The following RASIP1 variants were observed in gnomAD, a reference collection of about 807,000 sequenced individuals.
RASIP1 encodes ras-interacting protein 1.
A neutral mutation model predicts 85.3 loss-of-function variants in RASIP1; 20 were observed. The observed-to-expected ratio is 0.23, with a 90% confidence interval of 0.17 to 0.34. RASIP1 has a LOEUF of 0.34. RASIP1 is among the 10% of genes least tolerant of loss of function. The pLI is 1.00. For missense variants in RASIP1, 1,170 were observed against 1,390.9 expected, an observed-to-expected ratio of 0.84 and a Z score of 2.53; for synonymous variants, 617 against 647.1, an observed-to-expected ratio of 0.95 and a Z score of 0.71.
At position 48,738,826 on chromosome 19, in the gene RASIP1, C is replaced by A; in HGVS notation, c.823+134G>T. ...TAGAGTCCAACACGCACCGTCCAGT[C>A]CCCTCCCAGTCCCCTCCCGCGGGCC... On this transcript the variant is annotated intron_variant, in intron 3 of 11. Transcript: ENST00000222145. This position sits in a 1 kb window ranked among gnomAD's most constrained non-coding sequence, Gnocchi z 4.0. The A allele has an allele frequency of 1.9e-6, 2 of 1,069,304 alleles. No individual in the cohort carries two copies. Among genetic ancestry groups the A allele is most frequent in the Non-Finnish European group, 2.3e-6 (2 of 855,364 alleles). 66.2% of individuals were successfully genotyped at this position (1,069,304 alleles called of 1,614,324 possible).
In RASIP1 at chr19:48,739,349, G is replaced by A. The variant is rs775129376; in HGVS notation, c.434C>T (p.Pro145Leu). 4.4e-6 allele frequency: 6 copies of A among 1,350,050 alleles called. No homozygotes were observed. The Admixed American group carries it at 1.6e-4, about 36-fold the overall frequency. The allele number at this position is 1,350,050 out of a possible 1,614,324, so 83.6% of individuals were successfully genotyped here. A position where few individuals can be genotyped will look rare whatever the true frequency, so the allele number is the denominator to read the frequency against. ...PPLATRATAP[P>L]GVLKIFGAGL... ...GGCGCCGAAGATCTTGAGGACCCCC[G>A]GAGGCGCCGTGGCGCGGGTAGCCAG... The change falls in exon 3 of 12, where the codon CCG becomes CTG. Residue 145 changes from proline to leucine, a missense_variant. Transcript: ENST00000222145. The surrounding 1 kb of genome is among the most constrained non-coding windows in gnomAD (Gnocchi z 9.2).
intron 11 of RASIP1, among the ~76,000 whole-genome samples, chr19:48,721,389 G>C (rs1365150910): frequency 6.6e-6 from 1 of 152,058 alleles, no homozygotes; most frequent in Non-Finnish European, 1.5e-5. Context: ...GGAGCTGGGG[G>C]CTTGAACTCC....
intron 11 of RASIP1, 53 bp downstream of exon 11, chr19:48,721,800 CT>C (rs1164871488): frequency 2.1e-5 from 33 of 1,541,220 alleles, no homozygotes; most frequent in Non-Finnish European, 2.8e-5. Context: ...GAGACTCCGT[CT>C]CAAAAGAAGA....
chr19:48,737,541 A>G, intron 3 of RASIP1: 5 of 985,196 alleles, frequency 5.1e-6, no homozygotes, highest in Non-Finnish European at 6.0e-6. Flanking sequence ...CAGCCAACCC[A>G]GCCTAAGGCC....
chr19:48,728,968 C>T lies in RASIP1; in HGVS notation c.1802G>A (p.Arg601His), dbSNP rs968279691. 1.4e-6 allele frequency: 2 copies of T among 1,460,184 alleles called. No individual in the cohort carries two copies. The highest frequency in any genetic ancestry group is 1.5e-5 in the African/African-American group (1 of 67,096). The allele number at this position is 1,460,184 out of a possible 1,614,324, so 90.5% of individuals were successfully genotyped here. A position where few individuals can be genotyped will look rare whatever the true frequency, so the allele number is the denominator to read the frequency against. Residue 601 changes from arginine to histidine, a missense_variant, in exon 5 of 12, where the codon CGC becomes CAC. Coordinates refer to ENST00000222145, the MANE Select transcript of RASIP1 (RefSeq NM_017805.3). Reference protein sequence around the residue: ...ELGHLPRLLGRLARLIKEAVW... With the variant: ...ELGHLPRLLGHLARLIKEAVW... Reference sequence around the variant, plus strand: ...GGCCTCCTTGATGAGCCGGGCCAGGCGGCCCAGCAGTCGTGGCAGGTGGCC... The same window carrying T: ...GGCCTCCTTGATGAGCCGGGCCAGGTGGCCCAGCAGTCGTGGCAGGTGGCC...
intron 8 of RASIP1, 143 bp from the exon 9 acceptor site, chr19:48,725,103 C>G (rs2033319766): frequency 3.2e-6 from 3 of 950,926 alleles, no homozygotes; most frequent in Non-Finnish European, 4.7e-6. Context: ...CCCAAAGGGT[C>G]TCCGTGAGCA....
chr19:48,739,050 G>A lies in RASIP1; in HGVS notation c.733C>T (p.Arg245Trp). The change falls in exon 3 of 12, where the codon CGG becomes TGG. Residue 245 changes from arginine to tryptophan, a missense_variant. Arg to Trp is a moderately radical substitution (Grantham distance 101). This residue lies in a region of RASIP1 where 299 missense variants were observed against 394.4 expected (regional missense o/e 0.76). Transcript: ENST00000222145. The surrounding 1 kb of genome is among the most constrained non-coding windows in gnomAD (Gnocchi z 9.2). The part of the protein sequence containing the change: ...PLLVQELWRA[R>W]PGWARRFELR... ...TCGAAGCGCCGCGCCCAGCCGGGCC[G>A]CGCCCGCCACAGCTCCTGCACCAGC... The A allele has an allele frequency of 1.6e-6, 2 of 1,251,048 alleles. No individual in the cohort carries two copies. The highest frequency in any genetic ancestry group is 3.1e-5 in the South Asian group (1 of 32,290). 77.5% of individuals were successfully genotyped at this position (1,251,048 alleles called of 1,614,324 possible). A position where few individuals can be genotyped will look rare whatever the true frequency, so the allele number is the denominator to read the frequency against.
rs758206838 is a variant in RASIP1 at position 48,724,142 on chromosome 19, A to G, written c.2544+195T>C. 3.9e-5 allele frequency among the ~76,000 whole-genome samples: 6 copies of G among 152,176 alleles called. No homozygotes were observed. The highest frequency in any genetic ancestry group is 7.3e-5 in the Non-Finnish European group (5 of 68,036). On this transcript the variant is annotated intron_variant, in intron 10 of 11. Transcript: ENST00000222145. This position sits in a 1 kb window ranked among gnomAD's most constrained non-coding sequence, Gnocchi z 4.6. ...TTTTTAATAAGTTCCACCAGGATTC[A>G]GACACAGCCGAGTTTAGTCATTGTT...
chr19:48,727,464 G>A, intron 5 of RASIP1, 34 bp from the exon 6 acceptor site: 3 of 1,605,760 alleles, frequency 1.9e-6, no homozygotes, highest in Non-Finnish European at 2.6e-6. Flanking sequence ...CAAGGTGAGG[G>A]GGATCCACTG....
At position 48,735,334 on chromosome 19, in the gene RASIP1, A is replaced by G; in HGVS notation, c.1041T>C (p.Leu347=). ...RRQQERRQQA[L]SMAPGAADAQ... ...CGTCGGCTGCCCCTGGGGCCATGCT[A>G]AGTGCCTGCTGTCTCCGCTCCTGCT... Residue 347 remains leucine, a synonymous_variant, in exon 4 of 12, where the codon CTT becomes CTC. Transcript: ENST00000222145. 1.2e-6 allele frequency: 2 copies of G among 1,613,674 alleles called. No homozygotes were observed. The highest frequency in any genetic ancestry group is 2.2e-5 in the East Asian group (1 of 44,884).
chr19:48,738,763 G>T lies in RASIP1; in HGVS notation c.823+197C>A, dbSNP rs1344675607. 1.6e-6 allele frequency: 1 copy of T among 618,524 alleles called. No homozygotes were observed. The highest frequency in any genetic ancestry group is 2.2e-6 in the Non-Finnish European group (1 of 445,196). The allele number at this position is 618,524 out of a possible 1,614,324, so 38.3% of individuals were successfully genotyped here. ...CAAGCCCCACCCAACTCTCAGGCCC[G>T]CCCATCTGGCCGCCCCCGGCCCTGC... is the stretch of plus-strand genomic sequence containing the variant. On this transcript the variant is annotated intron_variant, in intron 3 of 11. Coordinates refer to ENST00000222145, the MANE Select transcript of RASIP1 (RefSeq NM_017805.3). The surrounding 1 kb of genome is among the most constrained non-coding windows in gnomAD (Gnocchi z 4.0).
Position 48,739,349 on chromosome 19 carries a change from G to C in RASIP1, c.434C>G (p.Pro145Arg). The change falls in exon 3 of 12, where the codon CCG becomes CGG. Residue 145 changes from proline to arginine, a missense_variant. By Grantham distance (103) the Pro-to-Arg change is moderately radical. This residue lies in a region of RASIP1 where 299 missense variants were observed against 394.4 expected (regional missense o/e 0.76). Coordinates refer to ENST00000222145, the MANE Select transcript of RASIP1 (RefSeq NM_017805.3). The surrounding 1 kb of genome is among the most constrained non-coding windows in gnomAD (Gnocchi z 9.2). Reference sequence around the variant, plus strand: ...GGCGCCGAAGATCTTGAGGACCCCCGGAGGCGCCGTGGCGCGGGTAGCCAG... The same window carrying C: ...GGCGCCGAAGATCTTGAGGACCCCCCGAGGCGCCGTGGCGCGGGTAGCCAG... ...PPLATRATAPPGVLKIFGAGL... is the reference protein window; with the variant it reads ...PPLATRATAPRGVLKIFGAGL... 3 of 1,350,158 alleles carry C rather than the reference G, an allele frequency of 2.2e-6. No individual in the cohort carries two copies. Among genetic ancestry groups the C allele is most frequent in the Non-Finnish European group, 2.8e-6 (3 of 1,055,714 alleles). 83.6% of individuals were successfully genotyped at this position (1,350,158 alleles called of 1,614,324 possible). A position where few individuals can be genotyped will look rare whatever the true frequency, so the allele number is the denominator to read the frequency against.
chr19:48,740,379 G>C lies in RASIP1; in HGVS notation c.-4-93C>G. 1.4e-6 allele frequency: 2 copies of C among 1,473,688 alleles called. No individual in the cohort carries two copies. 91.3% of individuals were successfully genotyped at this position (1,473,688 alleles called of 1,614,324 possible). A position where few individuals can be genotyped will look rare whatever the true frequency, so the allele number is the denominator to read the frequency against. ...GACTCCGAGTCAGAGGGAGGAGGGG[G>C]CTGGGGCTCAGACTTGCGAGTCCAG... On this transcript the variant is annotated intron_variant, in intron 1 of 11. Coordinates refer to ENST00000222145, the MANE Select transcript of RASIP1 (RefSeq NM_017805.3). The surrounding 1 kb of genome is among the most constrained non-coding windows in gnomAD (Gnocchi z 5.5).
chr19:48,739,098 G>A lies in RASIP1; in HGVS notation c.685C>T (p.Leu229=). The A allele has an allele frequency of 7.6e-7, 1 of 1,316,192 alleles. No individual in the cohort carries two copies. The highest frequency in any genetic ancestry group is 9.6e-7 in the Non-Finnish European group (1 of 1,037,922). 81.5% of individuals were successfully genotyped at this position (1,316,192 alleles called of 1,614,324 possible). The change falls in exon 3 of 12, where the codon CTG becomes TTG. Residue 229 remains leucine, a synonymous_variant. Coordinates refer to ENST00000222145, the MANE Select transcript of RASIP1 (RefSeq NM_017805.3). The surrounding 1 kb of genome is among the most constrained non-coding windows in gnomAD (Gnocchi z 9.2). The part of the protein sequence containing the change: ...GEWRAEHLRV[L]GDSERPLLVQ... Reference sequence around the variant, plus strand: ...AGCAGCGGGCGCTCGGAGTCGCCCAGCACGCGCAGGTGCTCCGCCCGCCAC... The same window carrying A: ...AGCAGCGGGCGCTCGGAGTCGCCCAACACGCGCAGGTGCTCCGCCCGCCAC...
At chr19:48,728,830 A>C in intron 5 of RASIP1, 107 bp downstream of exon 5, 1 of 1,185,464 alleles carries the variant, frequency 8.4e-7, no homozygotes, top group Non-Finnish European at 1.1e-6. Flanking sequence ...CGTCATGGGA[A>C]CAGTAGTATC....
intron 4 of RASIP1, among the ~76,000 whole-genome samples, chr19:48,734,306 T>A (rs1279953601): frequency 6.6e-6 from 1 of 150,482 alleles, no homozygotes; most frequent in Non-Finnish European, 1.5e-5. Context: ...AAAAAAAAAG[T>A]TTATTAAAAA....
chr19:48,740,207 T>A lies in RASIP1; in HGVS notation c.76A>T (p.Asn26Tyr). ...TTCGCCAGCTGCTTCCTGGGGGAAT[T>A]GATCCACAGGCCCACGGGGAGATGA... ...KLHLPVGLWINSPRKQLAKLG... is the reference protein window; with the variant it reads ...KLHLPVGLWIYSPRKQLAKLG... The change falls in exon 2 of 12, where the codon AAT (asparagine) becomes TAT (tyrosine). Residue 26 changes from asparagine to tyrosine, a missense_variant. Asn to Tyr is a moderately radical substitution (Grantham distance 143, BLOSUM62 -2). Around this residue, in one of 4 missense-constraint regions of RASIP1, gnomAD observed 299 missense variants for 394.4 expected, o/e 0.76. Transcript: ENST00000222145. This position sits in a 1 kb window ranked among gnomAD's most constrained non-coding sequence, Gnocchi z 5.5. 6.3e-7 allele frequency: 1 copy of A among 1,589,418 alleles called. No homozygotes were observed. The highest frequency in any genetic ancestry group is 8.5e-7 in the Non-Finnish European group (1 of 1,172,254).
chr19:48,730,258 C>G, intron 4 of RASIP1, among the ~76,000 whole-genome samples: 1 of 152,104 alleles, frequency 6.6e-6, no homozygotes, highest in South Asian at 2.1e-4. Flanking sequence ...CTCCGCCTCC[C>G]GGGTTCAAGC....
At position 48,721,912 on chromosome 19, in the gene RASIP1, G is replaced by A. The variant is rs1329510456; in HGVS notation, c.2634C>T (p.Gly878=). Residue 878 remains glycine (G), a synonymous_variant, in exon 11 of 12, where the codon GGC becomes GGT. Transcript: ENST00000222145. The part of the protein sequence containing the change: ...HLLSHYQLGP[G]RGPPAAWDPP... ...GGTCCCACGCGGCTGGCGGCCCGCG[G>A]CCAGGGCCCAGCTGATAGTGGCTGA... 2 of 1,603,132 alleles carry A rather than the reference G, an allele frequency of 1.2e-6. No homozygotes were observed. The highest frequency in any genetic ancestry group is 1.3e-5 in the African/African-American group (1 of 74,170).
Sources: gnomAD v4.1 joint callset for allele counts (sites outside exome capture counted in the v4.1 genomes callset) on GRCh38, gnomAD v4.1.1 for gene constraint, gnomAD v4.1.1 regional missense constraint, Gnocchi (gnomAD v3.1) non-coding constraint, MANE v1.5 for transcripts, NCBI Gene and HGNC (gene_info 2026-07-23, HGNC 2026-07-21) for gene names.